The following CELF2 variants were observed in gnomAD, a reference collection of about 807,000 sequenced individuals.
CELF2 encodes the protein CUGBP Elav-like family member 2.
In CELF2, 8 loss-of-function variants were observed where a neutral mutation model predicts 62.6. That is an observed-to-expected ratio of 0.13 (90% CI 0.07 to 0.23). CELF2 has a LOEUF of 0.23. Ranked by LOEUF, CELF2 falls within the 10% of genes least tolerant of loss-of-function variation. The probability of loss-of-function intolerance (pLI) is 1.00; values close to 1 mark genes in which losing one functional copy is unlikely to be tolerated. For synonymous variants in CELF2, 258 were observed against 250.0 expected (o/e 1.03, Z -0.30); for missense variants, 333 against 671.0 (o/e 0.50, Z 5.56).
At chr10:10,979,490 G>A (rs1317326583) in intron 2 of CELF2, among the ~76,000 whole-genome samples, 2 of 152,060 alleles carry the variant, frequency 1.3e-5, no homozygotes, top group Admixed American at 6.6e-5. Flanking sequence ...GGGCAACATG[G>A]TGAAACCCTG....
chr10:10,724,309 G>C, the CELF2 span, among the ~76,000 whole-genome samples: 2 of 152,094 alleles, frequency 1.3e-5, no homozygotes, highest in Admixed American at 1.3e-4. Flanking sequence ...AGGCCTCCTG[G>C]GCTGTTAGAA....
chr10:11,150,387 A>G (rs1428639903), intron 1 of CELF2, among the ~76,000 whole-genome samples: 1 of 152,192 alleles, frequency 6.6e-6, no homozygotes, highest in Non-Finnish European at 1.5e-5. Flanking sequence ...CTTGCGATCC[A>G]CCTTGTTTTG....
At chr10:10,971,878 T>G (rs2050792918) in intron 2 of CELF2, among the ~76,000 whole-genome samples, 1 of 152,240 alleles carries the variant, frequency 6.6e-6, no homozygotes, top group Non-Finnish European at 1.5e-5. Flanking sequence ...TGAGCCACCA[T>G]GCCTGACCCA....
At chr10:11,161,812 T>C (rs1382643010) in intron 1 of CELF2, among the ~76,000 whole-genome samples, 1 of 152,148 alleles carries the variant, frequency 6.6e-6, no homozygotes, top group Admixed American at 6.5e-5. Flanking sequence ...CTTGCTGAGA[T>C]TTGGGGTGTC....
At position 11,220,557 on chromosome 10, in the gene CELF2, G is replaced by A. The variant is rs1297138312; in HGVS notation, c.354+3050G>A. Among the ~76,000 whole-genome samples, 1 of 152,208 alleles carries A rather than the reference G, an allele frequency of 6.6e-6. No individual in the cohort carries two copies. Among genetic ancestry groups the A allele is most frequent in the African/African-American group, 2.4e-5 (1 of 41,452 alleles). ...GAGGTGACAGATCAGGGCTCTTACG[G>A]AGCAGTGCAAAATCATTGAAGACAC... On this transcript the variant is annotated intron_variant, in intron 3 of 12. Transcript: ENST00000633077. The surrounding 1 kb of genome is among the most constrained non-coding windows in gnomAD (Gnocchi z 4.4).
In CELF2 at chr10:11,098,415, C is replaced by T. The variant is rs2142332293; in HGVS notation, c.75-67071C>T. 1 of 152,286 alleles carries T rather than the reference C, an allele frequency of 6.6e-6. No individual in the cohort carries two copies. The highest frequency in any genetic ancestry group is 1.9e-4 in the East Asian group (1 of 5,170). The allele number at this position is 152,286 out of a possible 1,614,324, so 9.4% of individuals were successfully genotyped here. On this transcript the variant is annotated intron_variant, in intron 1 of 12. Transcript: ENST00000633077. This position sits in a 1 kb window ranked among gnomAD's most constrained non-coding sequence, Gnocchi z 4.0. ...TGCTTAGCTCCATTTGCCCTTAGGT[C>T]AGGCACATTGACGTGAGCTCAAACC... is the stretch of plus-strand genomic sequence containing the variant.
Position 11,165,310 on chromosome 10 carries a change from A to ACT in CELF2, c.75-176_75-175insCT, listed in dbSNP as rs1212500233. ...GAGAGCCTCGCCGCCGCCGAGGAGC[A>ACT]ACTCATGGTGCCTCCGCTTTGTTTT... On this transcript the variant is annotated intron_variant, in intron 1 of 12. Coordinates refer to ENST00000633077, the MANE Select transcript of CELF2 (RefSeq NM_001326342.2). The surrounding 1 kb of genome is among the most constrained non-coding windows in gnomAD (Gnocchi z 7.4). The ACT allele has an allele frequency of 7.1e-7, 1 of 1,405,854 alleles. No homozygotes were observed. The highest frequency in any genetic ancestry group is 1.5e-5 in the African/African-American group (1 of 68,090). 87.1% of individuals were successfully genotyped at this position (1,405,854 alleles called of 1,614,324 possible). A position where few individuals can be genotyped will look rare whatever the true frequency, so the allele number is the denominator to read the frequency against.
At chr10:10,845,006 G>A (rs1307114719) in intron 1 of CELF2, among the ~76,000 whole-genome samples, 1 of 152,102 alleles carries the variant, frequency 6.6e-6, no homozygotes, top group Non-Finnish European at 1.5e-5. Flanking sequence ...AAACAGTAAG[G>A]TTTTAATTAT....
intron 2 of CELF2, among the ~76,000 whole-genome samples, chr10:10,979,015 G>A (rs2051717077): frequency 6.6e-6 from 1 of 152,188 alleles, no homozygotes; most frequent in Non-Finnish European, 1.5e-5. Flanking sequence ...CCTGAAAAGT[G>A]TTCCCCAGGC....
At chr10:10,506,417 G>C in the CELF2 span, among the ~76,000 whole-genome samples, 1 of 151,974 alleles carries the variant, frequency 6.6e-6, no homozygotes, top group African/African-American at 2.4e-5. Context: ...AATATTTAAT[G>C]ATCTTCAAAT....
At chr10:11,122,316 AATG>A (rs2057917517) in intron 1 of CELF2, among the ~76,000 whole-genome samples, 1 of 152,350 alleles carries the variant, frequency 6.6e-6, no homozygotes. Flanking sequence ...AATTTGCAAT[AATG>A]ATGGCAACCA....
At chr10:10,882,690 CAT>C (rs768627549) in intron 1 of CELF2, among the ~76,000 whole-genome samples, 3 of 152,136 alleles carry the variant, frequency 2.0e-5, no homozygotes, top group Non-Finnish European at 2.9e-5. Context: ...CAGTTTGCCT[CAT>C]GTGAATTTTC....
the CELF2 span, among the ~76,000 whole-genome samples, chr10:10,593,049 G>A: frequency 6.6e-6 from 1 of 152,184 alleles, no homozygotes; most frequent in African/African-American, 2.4e-5. Flanking sequence ...GGCATTCCCA[G>A]TGGAGGGCTC....
intron 8 of CELF2, among the ~76,000 whole-genome samples, chr10:11,276,222 G>C (rs1005292260): frequency 2.0e-5 from 3 of 151,856 alleles, no homozygotes; most frequent in Non-Finnish European, 4.4e-5. Context: ...GTGTGTGATC[G>C]GCAGCCCCGC....
In CELF2 at chr10:10,928,474, A is replaced by C. The variant is rs1046383077; in HGVS notation, c.89+8475A>C. On this transcript the variant is annotated intron_variant, in intron 2 of 13. Transcript: ENST00000636488. This position sits in a 1 kb window ranked among gnomAD's most constrained non-coding sequence, Gnocchi z 4.8. ...ACTACAGCCCACAGACGAAATCTAG[A>C]TAGTGGCCTGTGCTTATAAATATAT... Among the ~76,000 whole-genome samples, 1 of 152,214 alleles carries C rather than the reference A, an allele frequency of 6.6e-6. No homozygotes were observed. Among genetic ancestry groups the C allele is most frequent in the Non-Finnish European group, 1.5e-5 (1 of 68,036 alleles).
chr10:10,794,469 G>A (rs928133033), upstream of CELF2, among the ~76,000 whole-genome samples: 4 of 152,112 alleles, frequency 2.6e-5, no homozygotes, highest in Non-Finnish European at 4.4e-5. Flanking sequence ...AACAAAAAAT[G>A]TTTAGGATAA....
In CELF2 at chr10:11,329,122, T is replaced by C; in HGVS notation, c.*69T>C. On this transcript the variant is annotated 3_prime_UTR_variant, in exon 13 of 13. Transcript: ENST00000633077. This position sits in a 1 kb window ranked among gnomAD's most constrained non-coding sequence, Gnocchi z 5.5. ...GGTAAGTCCCACGAGCCAGCCTGTC[T>C]CAACAGGGAAGGCAGAGGAGGACCA... 8 of 1,498,720 alleles carry C rather than the reference T, an allele frequency of 5.3e-6. No homozygotes were observed. In the East Asian group the frequency reaches 7.2e-5, roughly 14 times the overall value. The allele number at this position is 1,498,720 out of a possible 1,614,324, so 92.8% of individuals were successfully genotyped here.
At chr10:10,622,958 C>T in the CELF2 span, among the ~76,000 whole-genome samples, 23 of 151,830 alleles carry the variant, frequency 1.5e-4, no homozygotes, top group African/African-American at 5.6e-4. Context: ...TGGCGGGCGC[C>T]TGTAGTCCCA....
the CELF2 span, among the ~76,000 whole-genome samples, chr10:10,595,958 T>C: frequency 6.6e-6 from 1 of 152,170 alleles, no homozygotes; most frequent in Admixed American, 6.5e-5. Context: ...ATGCTCTGCC[T>C]ATGGGGTCAC....
Sources: allele counts gnomAD v4.1 joint callset (sites outside exome capture counted in the v4.1 genomes callset), GRCh38; gene constraint gnomAD v4.1.1; non-coding constraint Gnocchi (gnomAD v3.1); transcripts MANE v1.5; gene names NCBI Gene and HGNC (gene_info 2026-07-23, HGNC 2026-07-21).